The following ARHGAP6 variants were observed in gnomAD, a reference collection of about 807,000 sequenced individuals.
ARHGAP6 encodes the protein rho GTPase-activating protein 6.
ARHGAP6 carries 16 observed loss-of-function variants against 55.7 expected under a neutral mutation model. That is an observed-to-expected ratio of 0.29 (90% CI 0.19 to 0.44). ARHGAP6 has a LOEUF of 0.44. Ranked by LOEUF, ARHGAP6 falls within the 20% of genes least tolerant of loss-of-function variation. The pLI is 1.00. For synonymous variants in ARHGAP6, 382 were observed against 360.9 expected (o/e 1.06, Z -0.66); for missense variants, 698 against 808.9 (o/e 0.86, Z 1.66).
At chrX:11,183,750 T>G (rs953171608) in intron 5 of ARHGAP6, among the ~76,000 whole-genome samples, 3 of 111,888 alleles carry the variant, frequency 2.7e-5, no homozygotes, top group Non-Finnish European at 5.6e-5. Context: ...TTCTCCCTCT[T>G]TTATTTTCTG....
At chrX:11,195,959 C>CAAAAAAAA (rs1024986729) in intron 3 of ARHGAP6, among the ~76,000 whole-genome samples, 2 of 8,413 alleles carry the variant, frequency 2.4e-4, no homozygotes, top group Non-Finnish European at 5.0e-4. Flanking sequence ...ACTAAAAATA[C>CAAAAAAAA]AAAAAAAAAA....
intron 6 of ARHGAP6, among the ~76,000 whole-genome samples, chrX:11,180,696 G>A (rs1428574799): frequency 1.8e-5 from 2 of 111,819 alleles, no homozygotes; most frequent in East Asian, 5.6e-4. Flanking sequence ...AATGGATCCC[G>A]ATATAACTGA....
chrX:11,365,641 T>C (rs938514804), intron 1 of ARHGAP6, among the ~76,000 whole-genome samples: 34 of 112,616 alleles, frequency 3.0e-4, no homozygotes, highest in African/African-American at 1.1e-3. Context: ...TACGTCATAT[T>C]CACGTTCATT....
chrX:11,254,836 T>C (rs1016799672), intron 1 of ARHGAP6, 129 bp from the exon 2 acceptor site: 1 of 806,050 alleles, frequency 1.2e-6, no homozygotes, highest in African/African-American at 2.1e-5. Context: ...TGGGTCTCAA[T>C]TCCCAAAGTC....
Position 11,494,124 on chromosome X carries a change from A to G in ARHGAP6, c.588+170117T>C, listed in dbSNP as rs1341188134. 3.0e-4 allele frequency among the ~76,000 whole-genome samples: 33 copies of G among 111,598 alleles called. No individual in the cohort carries two copies. In the Admixed American group the frequency reaches 3.1e-3, roughly 11 times the overall value. ...TTATCAGTGTCCCTGGTATCTACCC[A>G]CTAGACACAAGTAACATGCCTCCCT... On this transcript the variant is annotated intron_variant, in intron 1 of 12. Coordinates refer to ENST00000337414, the MANE Select transcript of ARHGAP6 (RefSeq NM_013427.3).
intron 8 of ARHGAP6, among the ~76,000 whole-genome samples, chrX:11,174,573 C>CCTTT (rs1274689353): frequency 0.24 from 9,944 of 41,985 alleles, 1,132 homozygotes; most frequent in Admixed American, 0.3. Flanking sequence ...TTCCTTCCTT[C>CCTTT]CTTTCTTTCT....
At chrX:11,476,623 C>T (rs1344196263) in intron 1 of ARHGAP6, among the ~76,000 whole-genome samples, 1 of 111,009 alleles carries the variant, frequency 9.0e-6, no homozygotes, top group African/African-American at 3.3e-5. Flanking sequence ...ATGATAATTG[C>T]ATGAAGAAAG....
At chrX:11,563,742 G>GTGAAGTTAAACTTCACTT (rs747972551) in intron 1 of ARHGAP6, among the ~76,000 whole-genome samples, 1,947 of 110,829 alleles carry the variant, frequency 0.018, 29 homozygotes, top group Middle Eastern at 0.056. Flanking sequence ...TAAAATCAAA[G>GTGAAGTTAAACTTCACTT]TGAAGTTAAA....
chrX:11,249,454 G>T (rs967831984), intron 2 of ARHGAP6, among the ~76,000 whole-genome samples: 1 of 111,406 alleles, frequency 9.0e-6, no homozygotes, highest in Admixed American at 9.5e-5. Flanking sequence ...TTAGACAAAT[G>T]TTGCCAAATT....
chrX:11,492,825 A>G (rs747046938), intron 1 of ARHGAP6, among the ~76,000 whole-genome samples: 21 of 112,443 alleles, frequency 1.9e-4, no homozygotes, highest in African/African-American at 6.8e-4. Context: ...CCTCCCAGCT[A>G]CACTTCAATT....
intron 2 of ARHGAP6, among the ~76,000 whole-genome samples, chrX:11,230,591 G>C (rs1437465230): frequency 9.2e-6 from 1 of 108,690 alleles, no homozygotes; most frequent in Non-Finnish European, 1.9e-5. Flanking sequence ...GAAAGTTTTT[G>C]ACCTTAAAAG....
chrX:11,283,002 T>A (rs1371901653), intron 1 of ARHGAP6, among the ~76,000 whole-genome samples: 3 of 112,070 alleles, frequency 2.7e-5, no homozygotes, highest in Non-Finnish European at 5.6e-5. Flanking sequence ...ATGTAAATTA[T>A]ATCTATATCT....
chrX:11,512,627 C>T (rs1163002930), intron 1 of ARHGAP6, among the ~76,000 whole-genome samples: 1 of 111,015 alleles, frequency 9.0e-6, no homozygotes, highest in Non-Finnish European at 1.9e-5. Context: ...TTGAGTGTTT[C>T]CACTTTCTCT....
At chrX:11,168,715 A>C (rs780431549) in intron 9 of ARHGAP6, among the ~76,000 whole-genome samples, 1 of 112,259 alleles carries the variant, frequency 8.9e-6, no homozygotes, top group Non-Finnish European at 1.9e-5. Flanking sequence ...AAACATGAAG[A>C]AGGTTCCTGT....
chrX:11,613,627 C>G (rs1252138764), intron 1 of ARHGAP6, among the ~76,000 whole-genome samples: 2 of 112,300 alleles, frequency 1.8e-5, no homozygotes, highest in Non-Finnish European at 3.8e-5. Flanking sequence ...GGAGTTTTCT[C>G]ACAGCGTTTC....
At chrX:11,629,230 G>A (rs1485137289) in intron 1 of ARHGAP6, among the ~76,000 whole-genome samples, 2 of 111,707 alleles carry the variant, frequency 1.8e-5, no homozygotes, top group African/African-American at 6.5e-5. Context: ...AGTTCTCTTA[G>A]GTCCAGAGAA....
At chrX:11,403,368 G>A (rs1210050015) in intron 1 of ARHGAP6, among the ~76,000 whole-genome samples, 2 of 111,806 alleles carry the variant, frequency 1.8e-5, no homozygotes, top group African/African-American at 6.5e-5. Context: ...TGACCAATGA[G>A]TACTGGAAAT....
At chrX:11,341,434 T>A (rs1448156453) in intron 1 of ARHGAP6, among the ~76,000 whole-genome samples, 2 of 111,852 alleles carry the variant, frequency 1.8e-5, no homozygotes, top group South Asian at 7.5e-4. Flanking sequence ...AGATAAATAA[T>A]ACAAGAAAAA....
At chrX:11,552,800 A>C (rs1432983424) in intron 1 of ARHGAP6, among the ~76,000 whole-genome samples, 1 of 106,651 alleles carries the variant, frequency 9.4e-6, no homozygotes, top group Non-Finnish European at 1.9e-5. Flanking sequence ...CAGAGAGTAG[A>C]ATGGTGGTTG....
Sources: gnomAD v4.1 joint callset for allele counts (sites outside exome capture counted in the v4.1 genomes callset) on GRCh38, gnomAD v4.1.1 for gene constraint, MANE v1.5 for transcripts, NCBI Gene and HGNC (gene_info 2026-07-23, HGNC 2026-07-21) for gene names.